The following MDM4 variants were observed in gnomAD, a reference collection of about 807,000 sequenced individuals.
MDM4 encodes MDM4 regulator of p53, also known as protein Mdm4.
Under a neutral mutation model 60.2 loss-of-function variants are expected in MDM4, and 2 were observed. The observed-to-expected ratio is 0.03, with a 90% CI of 0.01 to 0.10. The LOEUF is 0.10. MDM4 is among the 10% of genes least tolerant of loss of function. The pLI is 1.00. For synonymous variants in MDM4, 202 were observed against 198.1 expected, an observed-to-expected ratio of 1.02 and a Z score of -0.17; for missense variants, 447 against 577.5, an observed-to-expected ratio of 0.77 and a Z score of 2.32.
At chr1:204,538,869 CTTTT>C (rs34355422) in intron 7 of MDM4, among the ~76,000 whole-genome samples, 2 of 117,676 alleles carry the variant, frequency 1.7e-5, no homozygotes. Context: ...CCACGCCTGG[CTTTT>C]TTTTTTTTTT....
intron 9 of MDM4, among the ~76,000 whole-genome samples, 165 bp from the exon 10 acceptor site, chr1:204,546,632 T>C (rs4252731): frequency 0.012 from 1,802 of 152,362 alleles, 15 homozygotes; most frequent in Middle Eastern, 0.034. Context: ...CAACTAGAAG[T>C]ACAGAATCAT....
intron 2 of MDM4, among the ~76,000 whole-genome samples, chr1:204,525,824 C>G (rs979458843): frequency 3.3e-5 from 5 of 152,092 alleles, no homozygotes; most frequent in Admixed American, 6.6e-5. Context: ...GCCTTTAGTT[C>G]TAGCTACTTG....
Position 204,538,269 on chromosome 1 carries a change from C to A in MDM4, c.472C>A (p.Leu158Met). Residue 158 changes from leucine to methionine, a missense_variant, in exon 7 of 11, where the codon CTG becomes ATG. Coordinates refer to ENST00000367182, the MANE Select transcript of MDM4 (RefSeq NM_002393.5). ...AACTACAGAAGACGATATCCCCACACTGCCTACCTCAGAGCATAAATGCAT... is the reference window on the plus strand; with the variant it reads ...AACTACAGAAGACGATATCCCCACAATGCCTACCTCAGAGCATAAATGCAT... ...KRTTEDDIPT[L>M]PTSEHKCIHS... 1 of 1,609,200 alleles carries A rather than the reference C, an allele frequency of 6.2e-7. No individual in the cohort carries two copies. Among genetic ancestry groups the A allele is most frequent in the Non-Finnish European group, 8.5e-7 (1 of 1,175,458 alleles).
intron 7 of MDM4, among the ~76,000 whole-genome samples, chr1:204,539,661 TA>T (rs755586055): frequency 5.0e-4 from 76 of 151,494 alleles, no homozygotes; most frequent in Non-Finnish European, 8.4e-4. Flanking sequence ...CTCAGCCTCC[TA>T]AGTAGCTGGG....
intron 4 of MDM4, among the ~76,000 whole-genome samples, chr1:204,531,432 G>GT (rs746105930): frequency 5.3e-5 from 8 of 152,194 alleles, no homozygotes; most frequent in Admixed American, 1.3e-4. Flanking sequence ...TGCATGGGGT[G>GT]TAAGTTATTA....
intron 1 of MDM4, among the ~76,000 whole-genome samples, chr1:204,522,326 T>TCA (rs1317771144): frequency 7.3e-5 from 11 of 151,050 alleles, no homozygotes; most frequent in Admixed American, 1.3e-4. Flanking sequence ...TGAGACTCCA[T>TCA]CACACACACA....
chr1:204,533,020 G>C (rs545121066), intron 5 of MDM4, among the ~76,000 whole-genome samples: 2 of 152,326 alleles, frequency 1.3e-5, no homozygotes, highest in African/African-American at 4.8e-5. Flanking sequence ...TGTGGGCTCA[G>C]GTGGTATCAG....
At chr1:204,548,365 G>T (rs1662872177) in intron 10 of MDM4, among the ~76,000 whole-genome samples, 1 of 152,216 alleles carries the variant, frequency 6.6e-6, no homozygotes, top group Non-Finnish European at 1.5e-5. Context: ...GACTTGAAGT[G>T]CTTGGCCTTT....
At chr1:204,525,365 C>A in intron 1 of MDM4, 119 bp from the exon 2 acceptor site, 1 of 1,410,710 alleles carries the variant, frequency 7.1e-7, no homozygotes, top group Non-Finnish European at 9.2e-7. Context: ...CATTTGTGTA[C>A]GGTGCTCCAT....
At chr1:204,544,718 T>G (rs768284858) in intron 9 of MDM4, 34 bp downstream of exon 9, 1 of 1,591,084 alleles carries the variant, frequency 6.3e-7, no homozygotes. Flanking sequence ...TTGATTCTGT[T>G]TGTGTGCTCA....
intron 9 of MDM4, among the ~76,000 whole-genome samples, chr1:204,545,494 G>T (rs971132807): frequency 6.6e-6 from 1 of 152,064 alleles, no homozygotes; most frequent in Non-Finnish European, 1.5e-5. Flanking sequence ...ACATCCATCG[G>T]ATAAATACAG....
At chr1:204,540,873 G>A (rs1344169372) in intron 7 of MDM4, among the ~76,000 whole-genome samples, 1 of 152,176 alleles carries the variant, frequency 6.6e-6, no homozygotes, top group African/African-American at 2.4e-5. Context: ...ATGGCATGAT[G>A]GCTTCTAGTC....
chr1:204,530,957 A>G, intron 4 of MDM4, 140 bp downstream of exon 4: 1 of 1,063,768 alleles, frequency 9.4e-7, no homozygotes, highest in Non-Finnish European at 1.4e-6. Flanking sequence ...AGGCACTGAG[A>G]ATATGGTAAT....
intron 1 of MDM4, among the ~76,000 whole-genome samples, chr1:204,522,666 A>G (rs142154124): frequency 1.3e-5 from 2 of 152,170 alleles, no homozygotes; most frequent in East Asian, 1.9e-4. Context: ...TACAATCCCA[A>G]AGTGCTGAGA....
In MDM4 at chr1:204,538,100, T is replaced by C. The variant is rs1661602425; in HGVS notation, c.412-109T>C. On this transcript the variant is annotated intron_variant, in intron 6 of 10. Transcript: ENST00000367182. ...TTGTGAACTTGAGTTCTCTTTCTTG[T>C]GTGTAACCCATTGTGTTGCACACTA... The C allele has an allele frequency of 1.0e-5, 8 of 769,104 alleles. No individual in the cohort carries two copies. In the Admixed American group the frequency reaches 1.4e-4, roughly 14 times the overall value. The allele number at this position is 769,104 out of a possible 1,614,324, so 47.6% of individuals were successfully genotyped here.
intron 9 of MDM4, among the ~76,000 whole-genome samples, chr1:204,546,105 T>A (rs1015302868): frequency 1.3e-5 from 2 of 152,212 alleles, no homozygotes; most frequent in African/African-American, 4.8e-5. Flanking sequence ...GAAAAGTAAA[T>A]TTTTAAGATA....
intron 1 of MDM4, among the ~76,000 whole-genome samples, chr1:204,520,372 CTTT>C (rs11290909): frequency 7.1e-6 from 1 of 141,386 alleles, no homozygotes. Flanking sequence ...AACATCCCTG[CTTT>C]TTTTTTTTTT....
At position 204,554,250 on chromosome 1, in the gene MDM4, A is replaced by G. The variant is rs1663409415; in HGVS notation, c.*4568A>G. 4.4e-6 allele frequency: 1 copy of G among 225,424 alleles called. No homozygotes were observed. Among genetic ancestry groups the G allele is most frequent in the South Asian group, 1.8e-4 (1 of 5,458 alleles). 14.0% of individuals were successfully genotyped at this position (225,424 alleles called of 1,614,324 possible). A position where few individuals can be genotyped will look rare whatever the true frequency, so the allele number is the denominator to read the frequency against. ...AAGACAATTGTTAACTAGATATTTGAGTTTTTTCCCCTCAGAATTATGTGA... is the reference window on the plus strand; with the variant it reads ...AAGACAATTGTTAACTAGATATTTGGGTTTTTTCCCCTCAGAATTATGTGA... On this transcript the variant is annotated 3_prime_UTR_variant, in exon 11 of 11. Coordinates refer to ENST00000367182, the MANE Select transcript of MDM4 (RefSeq NM_002393.5).
intron 7 of MDM4, among the ~76,000 whole-genome samples, chr1:204,539,507 T>C (rs1012118608): frequency 6.6e-6 from 1 of 151,518 alleles, no homozygotes; most frequent in Non-Finnish European, 1.5e-5. Flanking sequence ...ATCCAAAATC[T>C]GAAAACTTGT....
Sources: gnomAD v4.1 joint callset for allele counts (sites outside exome capture counted in the v4.1 genomes callset) on GRCh38, gnomAD v4.1.1 for gene constraint, MANE v1.5 for transcripts, NCBI Gene and HGNC (gene_info 2026-07-23, HGNC 2026-07-21) for gene names.